PCDHA4: variants seen among roughly 807,000 people sequenced by gnomAD.
PCDHA4 encodes the protein protocadherin alpha 4, also known as protocadherin alpha-4.
In PCDHA4, 49 loss-of-function variants were observed where a neutral mutation model predicts 61.4. That is an observed-to-expected ratio of 0.80 (90% CI 0.63 to 1.01). The LOEUF is 1.01. Among genes scored for constraint, PCDHA4 ranks in the 50% least tolerant of loss-of-function variants. The probability of loss-of-function intolerance (pLI) is 0.00; values close to 1 mark genes in which losing one functional copy is unlikely to be tolerated. For synonymous variants in PCDHA4, 590 were observed against 550.3 expected (o/e 1.07, Z -1.01); for missense variants, 1,254 against 1,235.8 (o/e 1.01, Z -0.22).
At chr5:140,812,829 T>G (rs1222229983) in intron 1 of PCDHA4, 2 of 152,234 alleles carry the variant, frequency 1.3e-5, no homozygotes, top group African/African-American at 4.8e-5. Context: ...GTTTTCATTT[T>G]TGTTTATCTT....
chr5:140,841,255 C>G, intron 1 of PCDHA4: 8 of 1,511,904 alleles, frequency 5.3e-6, no homozygotes, highest in Non-Finnish European at 7.1e-6. Flanking sequence ...GATTAAAAGA[C>G]TCTGAAAGTA....
intron 1 of PCDHA4, chr5:140,851,823 G>GT (rs1343370929): frequency 9.3e-6 from 9 of 962,984 alleles, no homozygotes; most frequent in South Asian, 4.8e-5. Context: ...ACAGAAATCT[G>GT]TTTTTTTAAA....
At chr5:141,009,262 C>T (rs2098403740) in intron 3 of PCDHA4, among the ~76,000 whole-genome samples, 2 of 152,112 alleles carry the variant, frequency 1.3e-5, no homozygotes, top group Non-Finnish European at 2.9e-5. Flanking sequence ...TGAGACCAGC[C>T]TGGGCAACAT....
chr5:141,010,201 C>G lies in PCDHA4; in HGVS notation c.*264C>G, dbSNP rs782495760. On this transcript the variant is annotated 3_prime_UTR_variant, in exon 4 of 4. Coordinates refer to ENST00000530339, the MANE Select transcript of PCDHA4 (RefSeq NM_018907.4). ...GCAGACCCAAGTTTCCTTTCTCCTC[C>G]GCCGCAAAGGAGAGGCTTCCCAGCC... 9.0e-6 allele frequency: 14 copies of G among 1,551,916 alleles called. No homozygotes were observed. Among genetic ancestry groups the G allele is most frequent in the Non-Finnish European group, 1.0e-5 (12 of 1,147,084 alleles).
Position 140,859,254 on chromosome 5 carries a change from G to T in PCDHA4, c.2385+49682G>T, listed in dbSNP as rs1005222858. 2 of 131,816 alleles carry T rather than the reference G, an allele frequency of 1.5e-5. 1 individual carries two copies. The allele number at this position is 131,816 out of a possible 1,614,324, so 8.2% of individuals were successfully genotyped here. ...AGTCATGCTTATGTTTAATAATGAA[G>T]AGAATTTGAACACTTTTTACTTTTG... On this transcript the variant is annotated intron_variant, in intron 1 of 3. Transcript: ENST00000530339.
intron 1 of PCDHA4, chr5:140,968,554 A>G (rs782240700): frequency 1.9e-6 from 3 of 1,614,162 alleles, no homozygotes; most frequent in Non-Finnish European, 2.5e-6. Context: ...TGGTGCCTCG[A>G]ACTGCCCCTG....
chr5:140,849,809 G>C (rs147465571), intron 1 of PCDHA4: 14 of 1,598,384 alleles, frequency 8.8e-6, no homozygotes, highest in East Asian at 2.2e-5. Context: ...TGTGGGCCAC[G>C]GCCAGGGTGT....
At chr5:140,913,896 C>T (rs1440194616) in intron 1 of PCDHA4, among the ~76,000 whole-genome samples, 5 of 152,018 alleles carry the variant, frequency 3.3e-5, no homozygotes, top group African/African-American at 7.2e-5. Context: ...TCCAAAATTC[C>T]CCTTTTTTAT....
intron 1 of PCDHA4, among the ~76,000 whole-genome samples, chr5:140,923,018 T>G (rs1353684633): frequency 6.6e-6 from 1 of 152,224 alleles, no homozygotes; most frequent in African/African-American, 2.4e-5. Flanking sequence ...GACTGCAGTT[T>G]CGGACTCTAT....
chr5:140,823,740 G>A (rs887046242), intron 1 of PCDHA4: 2 of 1,613,846 alleles, frequency 1.2e-6, no homozygotes, highest in Non-Finnish European at 1.7e-6. Flanking sequence ...ACCATGGAGA[G>A]CCCCCGCTGA....
At chr5:140,828,859 C>A in intron 1 of PCDHA4, 3 of 1,614,200 alleles carry the variant, frequency 1.9e-6, no homozygotes, top group East Asian at 4.5e-5. Context: ...AAAATGCAGA[C>A]AACGGAACAA....
chr5:140,932,002 T>G (rs1305093438), intron 1 of PCDHA4, among the ~76,000 whole-genome samples: 1 of 151,956 alleles, frequency 6.6e-6, no homozygotes, highest in East Asian at 1.9e-4. Flanking sequence ...CTAAGTTCTT[T>G]CATTTTAGTT....
intron 1 of PCDHA4, among the ~76,000 whole-genome samples, chr5:140,892,084 C>G (rs1233800772): frequency 6.6e-6 from 1 of 151,992 alleles, no homozygotes; most frequent in African/African-American, 2.4e-5. Flanking sequence ...TTCTAGTTTC[C>G]TCTCGAAACT....
intron 1 of PCDHA4, among the ~76,000 whole-genome samples, chr5:140,914,132 T>G (rs1554196213): frequency 6.6e-6 from 1 of 152,152 alleles, no homozygotes; most frequent in Non-Finnish European, 1.5e-5. Context: ...CTTTGTTGAG[T>G]TTTTGTCTGT....
At chr5:140,829,735 C>G (rs2150173587) in intron 1 of PCDHA4, 4 of 1,613,534 alleles carry the variant, frequency 2.5e-6, no homozygotes, top group Non-Finnish European at 2.5e-6. Flanking sequence ...TGGGCAGCAA[C>G]GTGACGCTGC....
intron 1 of PCDHA4, among the ~76,000 whole-genome samples, chr5:140,946,813 G>T (rs2094033515): frequency 6.6e-6 from 1 of 151,408 alleles, no homozygotes; most frequent in South Asian, 2.1e-4. Flanking sequence ...GTATAACAGT[G>T]ATTACCAGAG....
At chr5:140,856,902 C>A in intron 1 of PCDHA4, 1 of 1,596,268 alleles carries the variant, frequency 6.3e-7, no homozygotes, top group Non-Finnish European at 8.6e-7. Flanking sequence ...TCTTTGGTCC[C>A]ACCCACGATA....
At chr5:140,891,452 TG>T (rs2063116437) in intron 1 of PCDHA4, among the ~76,000 whole-genome samples, 1 of 150,254 alleles carries the variant, frequency 6.7e-6, no homozygotes, top group Non-Finnish European at 1.5e-5. Flanking sequence ...ATAGGATTTT[TG>T]AATTTGTGAA....
chr5:140,899,171 A>G (rs1302003338), intron 1 of PCDHA4, among the ~76,000 whole-genome samples: 1 of 152,058 alleles, frequency 6.6e-6, no homozygotes, highest in Non-Finnish European at 1.5e-5. Context: ...TCCTAATTGA[A>G]TACCCTTTAT....
Sources: allele counts gnomAD v4.1 joint callset (sites outside exome capture counted in the v4.1 genomes callset), GRCh38; gene constraint gnomAD v4.1.1; transcripts MANE v1.5; gene names NCBI Gene and HGNC (gene_info 2026-07-23, HGNC 2026-07-21).